RBFOX1: variants seen among roughly 807,000 people sequenced by gnomAD.
The protein encoded by RBFOX1 is RNA binding fox-1 homolog 1.
A neutral mutation model predicts 57.7 loss-of-function variants in RBFOX1; 8 were observed. That is an observed-to-expected ratio of 0.14 (90% confidence interval 0.08 to 0.25). The LOEUF (loss-of-function observed/expected upper bound fraction) is 0.25. Among genes scored for constraint, RBFOX1 ranks in the 10% least tolerant of loss-of-function variants. The probability of loss-of-function intolerance (pLI) is 1.00; values close to 1 mark genes in which losing one functional copy is unlikely to be tolerated. For synonymous variants in RBFOX1, 326 were observed against 222.4 expected (o/e 1.47, Z -4.15); for missense variants, 611 against 548.5 (o/e 1.11, Z -1.14).
At chr16:6,875,092 T>A (rs1477903888) in intron 3 of RBFOX1, among the ~76,000 whole-genome samples, 1 of 152,156 alleles carries the variant, frequency 6.6e-6, no homozygotes, top group African/African-American at 2.4e-5. Context: ...AAAATGTAGG[T>A]TGTAATCTTA....
intron 4 of RBFOX1, among the ~76,000 whole-genome samples, chr16:7,415,211 G>C (rs1430885137): frequency 6.6e-6 from 1 of 152,184 alleles, no homozygotes; most frequent in East Asian, 1.9e-4. Flanking sequence ...ATGTCCCAGA[G>C]GCAGGAACTG....
intron 3 of RBFOX1, among the ~76,000 whole-genome samples, chr16:6,793,831 TG>T (rs2083423515): frequency 6.6e-6 from 1 of 152,094 alleles, no homozygotes; most frequent in African/African-American, 2.4e-5. Context: ...TAGAAGGTGA[TG>T]TATTAAAGTG....
intron 3 of RBFOX1, among the ~76,000 whole-genome samples, chr16:6,773,015 T>C (rs1374077146): frequency 7.1e-6 from 1 of 141,568 alleles, no homozygotes; most frequent in Non-Finnish European, 1.5e-5. Flanking sequence ...TGTGTGTGTG[T>C]GTGATTGTAT....
chr16:7,105,793 G>GAGAC (rs1265728237), intron 4 of RBFOX1, among the ~76,000 whole-genome samples: 1 of 151,762 alleles, frequency 6.6e-6, no homozygotes. Flanking sequence ...TATAGAGATA[G>GAGAC]ATAGATAGAG....
At chr16:7,085,480 G>T (rs2059850174) in intron 4 of RBFOX1, among the ~76,000 whole-genome samples, 1 of 152,142 alleles carries the variant, frequency 6.6e-6, no homozygotes, top group Admixed American at 6.5e-5. Context: ...CAGGGTATTT[G>T]CTGGCATGGA....
At chr16:7,203,482 T>G (rs544550327) in intron 4 of RBFOX1, among the ~76,000 whole-genome samples, 29 of 152,318 alleles carry the variant, frequency 1.9e-4, no homozygotes, top group African/African-American at 7.0e-4. Flanking sequence ...CATAACAATA[T>G]AAATATACTT....
intron 3 of RBFOX1, among the ~76,000 whole-genome samples, chr16:6,655,399 A>AAAAAAAAAAAAAAAAC (rs2098642265): frequency 6.9e-6 from 1 of 144,340 alleles, no homozygotes; most frequent in Admixed American, 7.1e-5. Flanking sequence ...AAAAAAAAAA[A>AAAAAAAAAAAAAAAAC]AAAAGAGCTC....
intron 9 of RBFOX1, 95 bp downstream of exon 9, chr16:7,597,526 C>G: frequency 8.8e-7 from 1 of 1,142,374 alleles, no homozygotes; most frequent in Non-Finnish European, 1.3e-6. Flanking sequence ...CTGTGTTTGC[C>G]TGGGCATTGA....
chr16:7,474,052 G>C (rs1000062101), intron 4 of RBFOX1, among the ~76,000 whole-genome samples: 1 of 152,140 alleles, frequency 6.6e-6, no homozygotes, highest in Non-Finnish European at 1.5e-5. Context: ...ACTTTGGGAG[G>C]CTGAGGAGGG....
chr16:5,700,141 G>A (rs1221041097), intron 3 of RBFOX1, among the ~76,000 whole-genome samples: 2 of 152,142 alleles, frequency 1.3e-5, no homozygotes, highest in Non-Finnish European at 2.9e-5. Context: ...CAGTGTTCTG[G>A]TTTTATTAAC....
intron 2 of RBFOX1, among the ~76,000 whole-genome samples, chr16:6,433,932 C>G (rs899965252): frequency 1.3e-4 from 19 of 151,308 alleles, no homozygotes; most frequent in African/African-American, 4.4e-4. Flanking sequence ...ACCGTAACCT[C>G]CACCTCCCGG....
chr16:5,923,360 T>G (rs1176092944), intron 4 of RBFOX1, among the ~76,000 whole-genome samples: 1 of 152,016 alleles, frequency 6.6e-6, no homozygotes, highest in African/African-American at 2.4e-5. Flanking sequence ...GGGGCCTCAC[T>G]GAGTCAGAGG....
chr16:6,268,149 C>T (rs1392854164), intron 1 of RBFOX1, among the ~76,000 whole-genome samples: 1 of 152,188 alleles, frequency 6.6e-6, no homozygotes, highest in Admixed American at 6.5e-5. Flanking sequence ...GCATGTTCTT[C>T]CAGCTACCTT....
At chr16:5,594,850 G>A (rs1458512115) in intron 2 of RBFOX1, among the ~76,000 whole-genome samples, 4 of 151,800 alleles carry the variant, frequency 2.6e-5, no homozygotes, top group Non-Finnish European at 4.4e-5. Context: ...AAAAATGTGT[G>A]GCTGAATGTG....
chr16:6,826,954 G>C (rs1603629551), intron 3 of RBFOX1, among the ~76,000 whole-genome samples: 1 of 152,122 alleles, frequency 6.6e-6, no homozygotes, highest in Non-Finnish European at 1.5e-5. Flanking sequence ...AATAGGTGAG[G>C]ATATTTGACA....
chr16:5,624,677 C>T (rs1440663370), intron 3 of RBFOX1, among the ~76,000 whole-genome samples: 1 of 152,242 alleles, frequency 6.6e-6, no homozygotes, highest in African/African-American at 2.4e-5. Flanking sequence ...CTGAAGGGCG[C>T]TCTCAGCTAC....
At chr16:7,465,514 C>G (rs1252483114) in intron 4 of RBFOX1, among the ~76,000 whole-genome samples, 5 of 152,312 alleles carry the variant, frequency 3.3e-5, no homozygotes, top group African/African-American at 1.2e-4. Flanking sequence ...TATTCTGTCC[C>G]CAAGTCCATG....
At chr16:6,010,472 G>GA (rs1165104245) in intron 4 of RBFOX1, among the ~76,000 whole-genome samples, 1 of 152,208 alleles carries the variant, frequency 6.6e-6, no homozygotes, top group African/African-American at 2.4e-5. Flanking sequence ...GTTGGCTTCT[G>GA]TCTCTTCTCC....
At chr16:5,921,676 A>G (rs1419184929) in intron 4 of RBFOX1, among the ~76,000 whole-genome samples, 3 of 152,182 alleles carry the variant, frequency 2.0e-5, no homozygotes, top group African/African-American at 7.2e-5. Flanking sequence ...TTATAAAGAA[A>G]AGAGGTTTAA....
Sources: allele counts gnomAD v4.1 joint callset (sites outside exome capture counted in the v4.1 genomes callset), GRCh38; gene constraint gnomAD v4.1.1; transcripts MANE v1.5; gene names NCBI Gene and HGNC (gene_info 2026-07-23, HGNC 2026-07-21).